Variants in GTF2E2 observed in about 807,000 individuals in gnomAD.
The protein encoded by GTF2E2 is transcription initiation factor IIE subunit beta.
A neutral mutation model predicts 40.5 loss-of-function variants in GTF2E2; 21 were observed. The observed-to-expected ratio is 0.52, with a 90% confidence interval of 0.37 to 0.75. The LOEUF is 0.75. GTF2E2 is among the 30% of genes least tolerant of loss of function. GTF2E2 has a pLI of 0.00. For missense variants in GTF2E2, 298 were observed against 338.4 expected, an observed-to-expected ratio of 0.88 and a Z score of 0.94; for synonymous variants, 117 against 121.6, an observed-to-expected ratio of 0.96 and a Z score of 0.25.
intron 6 of GTF2E2, among the ~76,000 whole-genome samples, chr8:30,592,700 T>TA (rs1828885078): frequency 6.6e-6 from 1 of 152,218 alleles, no homozygotes; most frequent in Non-Finnish European, 1.5e-5. Flanking sequence ...GTTTAGGGAA[T>TA]AATGACAAGG....
At chr8:30,580,137 G>A (rs780457465) in intron 7 of GTF2E2, 144 bp downstream of exon 7, 1 of 619,544 alleles carries the variant, frequency 1.6e-6, no homozygotes, top group Non-Finnish European at 2.9e-6. Flanking sequence ...CTGCAGGCCT[G>A]CAATACCTCA....
intron 6 of GTF2E2, among the ~76,000 whole-genome samples, chr8:30,604,350 C>T (rs1446612497): frequency 6.6e-6 from 1 of 152,070 alleles, no homozygotes; most frequent in Non-Finnish European, 1.5e-5. Context: ...AATAAGTTAG[C>T]AACAACAAAG....
chr8:30,593,891 T>A (rs1354682578), intron 6 of GTF2E2, among the ~76,000 whole-genome samples: 1 of 152,218 alleles, frequency 6.6e-6, no homozygotes, highest in Non-Finnish European at 1.5e-5. Flanking sequence ...TATATCATTT[T>A]ACATGCTTTT....
chr8:30,605,321 G>T (rs561261289), intron 6 of GTF2E2, among the ~76,000 whole-genome samples: 1 of 152,156 alleles, frequency 6.6e-6, no homozygotes, highest in African/African-American at 2.4e-5. Flanking sequence ...GATAGGTATA[G>T]GAAAGAGAAA....
intron 5 of GTF2E2, among the ~76,000 whole-genome samples, chr8:30,610,067 T>C (rs955406384): frequency 2.6e-5 from 4 of 152,170 alleles, no homozygotes; most frequent in East Asian, 1.9e-4. Context: ...ATTGCAAGAA[T>C]AGACTAATAC....
chr8:30,620,780 T>A (rs57948656), intron 3 of GTF2E2, among the ~76,000 whole-genome samples: 1 of 150,268 alleles, frequency 6.7e-6, no homozygotes. Context: ...AAAAAAAAAA[T>A]TAGCCAGGCA....
At chr8:30,657,869 G>A (rs934784171) in intron 1 of GTF2E2, 104 bp downstream of exon 1, 13 of 152,292 alleles carry the variant, frequency 8.5e-5, no homozygotes, top group African/African-American at 3.1e-4. Context: ...CTTCCCGTGA[G>A]GTGGAGGTCA....
chr8:30,636,880 C>A, intron 2 of GTF2E2: 1 of 379,876 alleles, frequency 2.6e-6, no homozygotes, highest in Non-Finnish European at 5.0e-6. Context: ...AAAAAGAATG[C>A]CTTATAGGTG....
chr8:30,581,640 T>C (rs375369401), intron 6 of GTF2E2, among the ~76,000 whole-genome samples: 5 of 152,350 alleles, frequency 3.3e-5, no homozygotes, highest in African/African-American at 1.2e-4. Flanking sequence ...TAAGATTTTT[T>C]AATTTCCATA....
chr8:30,594,550 T>C (rs1316446091), intron 6 of GTF2E2, among the ~76,000 whole-genome samples: 3 of 144,916 alleles, frequency 2.1e-5, no homozygotes, highest in Admixed American at 6.9e-5. Flanking sequence ...CAGGAATGGA[T>C]CTTTAAAAAA....
At chr8:30,592,521 C>T (rs1236359409) in intron 6 of GTF2E2, among the ~76,000 whole-genome samples, 2 of 152,120 alleles carry the variant, frequency 1.3e-5, no homozygotes, top group Non-Finnish European at 2.9e-5. Flanking sequence ...GGGATTGGTT[C>T]CAGGACTCAT....
chr8:30,642,816 T>C (rs1801897921), intron 2 of GTF2E2, among the ~76,000 whole-genome samples: 1 of 152,260 alleles, frequency 6.6e-6, no homozygotes, highest in Admixed American at 6.5e-5. Context: ...CATTAATGGA[T>C]ACAAGTTAAA....
At chr8:30,652,391 T>G (rs1802310436) in intron 2 of GTF2E2, among the ~76,000 whole-genome samples, 1 of 151,732 alleles carries the variant, frequency 6.6e-6, no homozygotes, top group Non-Finnish European at 1.5e-5. Flanking sequence ...TATACCTCAG[T>G]TTTTTTTATG....
At chr8:30,604,112 AG>A (rs369105407) in intron 6 of GTF2E2, among the ~76,000 whole-genome samples, 24 of 152,204 alleles carry the variant, frequency 1.6e-4, no homozygotes, top group African/African-American at 5.5e-4. Flanking sequence ...ATAAGGAATG[AG>A]GGGGGGAGAG....
In GTF2E2 at chr8:30,578,988, A is replaced by C. The variant is rs1828433248; in HGVS notation, c.809T>G (p.Phe270Cys). Residue 270 changes from phenylalanine to cysteine, a missense_variant, in exon 8 of 8, where the codon TTT becomes TGT. Transcript: ENST00000355904. ...AGCCAAGTGTTCGTTATGAGTCTTA[A>C]AGCGTCGCTTTTTCTGTGAAGCAGG... ...KKPASQKKRRFKTHNEHLAGV... is the reference protein window; with the variant it reads ...KKPASQKKRRCKTHNEHLAGV... 6.2e-7 allele frequency: 1 copy of C among 1,611,580 alleles called. No individual in the cohort carries two copies. Among genetic ancestry groups the C allele is most frequent in the Non-Finnish European group, 8.5e-7 (1 of 1,177,760 alleles).
chr8:30,657,252 T>G lies in GTF2E2; in HGVS notation c.-5+721A>C, dbSNP rs181028146. 3.9e-5 allele frequency among the ~76,000 whole-genome samples: 6 copies of G among 152,302 alleles called. No individual in the cohort carries two copies. The East Asian group carries it at 1.2e-3, about 29-fold the overall frequency. On this transcript the variant is annotated intron_variant, in intron 1 of 7. Coordinates refer to ENST00000355904, the MANE Select transcript of GTF2E2 (RefSeq NM_002095.6). ...AACAGGCTACATCACCATGTCCATT[T>G]TACAATTAAACAAAACCACAACTCA...
chr8:30,637,121 G>A, intron 2 of GTF2E2: 2 of 428,326 alleles, frequency 4.7e-6, no homozygotes, highest in South Asian at 3.4e-5. Context: ...CAAATCCAGT[G>A]TAAACCCTGT....
chr8:30,608,331 G>A (rs985522908), intron 5 of GTF2E2, among the ~76,000 whole-genome samples: 4 of 151,782 alleles, frequency 2.6e-5, no homozygotes, highest in African/African-American at 9.7e-5. Context: ...TTATTCACCA[G>A]AAGATTATCA....
At chr8:30,641,328 G>A (rs1300825014) in intron 2 of GTF2E2, among the ~76,000 whole-genome samples, 1 of 152,072 alleles carries the variant, frequency 6.6e-6, no homozygotes, top group Non-Finnish European at 1.5e-5. Flanking sequence ...GTGGCCTATG[G>A]TGTTACCTAT....
Sources: allele counts gnomAD v4.1 joint callset (sites outside exome capture counted in the v4.1 genomes callset), GRCh38; gene constraint gnomAD v4.1.1; transcripts MANE v1.5; gene names NCBI Gene and HGNC (gene_info 2026-07-23, HGNC 2026-07-21).